Variants in TDRD9 observed in about 807,000 individuals in gnomAD.
TDRD9 encodes ATP-dependent RNA helicase TDRD9.
TDRD9 carries 124 observed loss-of-function variants against 172.6 expected under a neutral mutation model. That is an observed-to-expected ratio of 0.72 (90% confidence interval 0.62 to 0.83). TDRD9 has a LOEUF of 0.83. TDRD9 is among the 40% of genes least tolerant of loss of function. The pLI, the probability that TDRD9 is intolerant of heterozygous loss-of-function variation, is 0.00. For synonymous variants in TDRD9, 619 were observed against 617.1 expected, an observed-to-expected ratio of 1.00 and a Z score of -0.05; for missense variants, 1,479 against 1,714.1, an observed-to-expected ratio of 0.86 and a Z score of 2.42.
intron 13 of TDRD9, among the ~76,000 whole-genome samples, chr14:104,003,836 C>T (rs753017913): frequency 1.3e-5 from 2 of 151,946 alleles, no homozygotes; most frequent in African/African-American, 2.4e-5. Flanking sequence ...GACAGCTCCT[C>T]GATGGCATTG....
chr14:103,965,235 A>C, intron 3 of TDRD9, 98 bp from the exon 4 acceptor site: 1 of 1,262,090 alleles, frequency 7.9e-7, no homozygotes, highest in East Asian at 2.6e-5. Flanking sequence ...CAAAACTTTA[A>C]GATGAAAGAA....
intron 1 of TDRD9, among the ~76,000 whole-genome samples, chr14:103,931,280 C>T (rs994833021): frequency 4.8e-5 from 7 of 144,494 alleles, no homozygotes; most frequent in Non-Finnish European, 9.0e-5. Context: ...GCCTGGGTGA[C>T]AGAATGAGAC....
chr14:103,975,394 C>T lies in TDRD9; in HGVS notation c.852C>T (p.Val284=), dbSNP rs376815563. 2.0e-5 allele frequency: 33 copies of T among 1,612,530 alleles called. No homozygotes were observed. Among genetic ancestry groups the T allele is most frequent in the Non-Finnish European group, 2.7e-5 (32 of 1,179,094 alleles). The change falls in exon 7 of 36, where the codon GTC becomes GTT. Residue 284 remains valine, a synonymous_variant. Coordinates refer to ENST00000409874, the MANE Select transcript of TDRD9 (RefSeq NM_153046.3). Reference sequence around the variant, plus strand: ...TGTTTTCTCTTACTCTGTAGGTGGTCCTGATGTCGGCTACCATCAGCTGTA... The same window carrying T: ...TGTTTTCTCTTACTCTGTAGGTGGTTCTGATGTCGGCTACCATCAGCTGTA... The part of the protein sequence containing the change: ...LRTNSRFVKV[V]LMSATISCKE...
chr14:103,940,218 A>T (rs564190384), intron 1 of TDRD9, among the ~76,000 whole-genome samples: 8 of 152,230 alleles, frequency 5.3e-5, no homozygotes, highest in African/African-American at 9.6e-5. Flanking sequence ...ATCTTTACTG[A>T]TAGAGCTGAG....
chr14:104,033,307 C>T (rs1326693498), intron 30 of TDRD9, among the ~76,000 whole-genome samples: 1 of 152,156 alleles, frequency 6.6e-6, no homozygotes, highest in Non-Finnish European at 1.5e-5. Context: ...GTCTCAGGAG[C>T]CCCAGTGTGA....
intron 1 of TDRD9, among the ~76,000 whole-genome samples, chr14:103,949,715 A>T (rs4906390): frequency 0.96 from 146,082 of 152,308 alleles, 70,363 homozygotes; most frequent in East Asian, 1. Context: ...GGTCTCACTC[A>T]GTCGCCCATG....
chr14:103,964,531 T>C (rs2032651276), intron 3 of TDRD9, among the ~76,000 whole-genome samples: 1 of 147,252 alleles, frequency 6.8e-6, no homozygotes, highest in Admixed American at 6.6e-5. Flanking sequence ...TTTTGTTTTT[T>C]TGTTTGTTTG....
intron 20 of TDRD9, among the ~76,000 whole-genome samples, chr14:104,010,110 TAC>T: frequency 6.6e-6 from 1 of 152,090 alleles, no homozygotes; most frequent in Middle Eastern, 3.4e-3. Context: ...CACGCTTGGC[TAC>T]TTTTTTGTAT....
intron 7 of TDRD9, 110 bp from the exon 8 acceptor site, chr14:103,986,105 TAG>T: frequency 1.3e-6 from 1 of 756,716 alleles, no homozygotes; most frequent in East Asian, 2.7e-5. Context: ...AACTTTTATT[TAG>T]AGAGTTTGTT....
chr14:104,019,289 T>C (rs916038121), intron 23 of TDRD9, among the ~76,000 whole-genome samples: 2 of 152,200 alleles, frequency 1.3e-5, no homozygotes, highest in Non-Finnish European at 2.9e-5. Context: ...CTTTGTTCCC[T>C]CTTCTTTACA....
In TDRD9 at chr14:103,966,867, A is replaced by C. The variant is rs779541042; in HGVS notation, c.765+36A>C. ...TCATCTACTTGTAAAGGTCATATTT[A>C]TCTCTCTTAAAAAAACTCTCAGAGT... On this transcript the variant is annotated intron_variant, in intron 5 of 35. Transcript: ENST00000409874. The C allele has an allele frequency of 2.6e-6, 4 of 1,525,628 alleles. No individual in the cohort carries two copies. In the East Asian group the frequency reaches 7.4e-5, roughly 28 times the overall value. The allele number at this position is 1,525,628 out of a possible 1,614,324, so 94.5% of individuals were successfully genotyped here.
chr14:103,973,700 T>G (rs1233211211), intron 6 of TDRD9, among the ~76,000 whole-genome samples: 2 of 152,126 alleles, frequency 1.3e-5, no homozygotes, highest in Non-Finnish European at 2.9e-5. Context: ...AAACCCAGTT[T>G]AGAGATCATT....
At chr14:104,015,254 C>G (rs1181298528) in intron 21 of TDRD9, among the ~76,000 whole-genome samples, 1 of 152,072 alleles carries the variant, frequency 6.6e-6, no homozygotes, top group Non-Finnish European at 1.5e-5. Context: ...ACTTTGGAGG[C>G]CATGGATTCA....
rs188203471 is a variant in TDRD9 at position 104,034,886 on chromosome 14, A to G, written c.3620-74A>G. 1.7e-4 allele frequency: 191 copies of G among 1,141,526 alleles called. No individual in the cohort carries two copies. The African/African-American group carries it at 2.1e-3, about 13-fold the overall frequency. The allele number at this position is 1,141,526 out of a possible 1,614,324, so 70.7% of individuals were successfully genotyped here. A position where few individuals can be genotyped will look rare whatever the true frequency, so the allele number is the denominator to read the frequency against. ...GAGGGGATACCTGCAGATGAGTAGG[A>G]GCGGGCCGGGAGGGAACGCTGCCCT... On this transcript the variant is annotated intron_variant, in intron 31 of 35. Transcript: ENST00000409874.
In TDRD9 at chr14:104,026,957, T is replaced by C; in HGVS notation, c.3282+18T>C. On this transcript the variant is annotated intron_variant, in intron 28 of 35. Transcript: ENST00000409874. ...AGTCCAAGGTGTGTGCTTTCGCCGT[T>C]GCTGGAGCACGCGTTTGTGTGAGAG... 6.2e-7 allele frequency: 1 copy of C among 1,609,738 alleles called. No homozygotes were observed. Among genetic ancestry groups the C allele is most frequent in the Non-Finnish European group, 8.5e-7 (1 of 1,176,734 alleles).
intron 3 of TDRD9, among the ~76,000 whole-genome samples, chr14:103,964,681 T>C (rs1194951646): frequency 6.6e-6 from 1 of 152,108 alleles, no homozygotes; most frequent in South Asian, 2.1e-4. Flanking sequence ...CGCGCTACCA[T>C]GCCCAGCTAA....
chr14:104,023,347 A>T (rs1302143429), intron 24 of TDRD9, among the ~76,000 whole-genome samples: 2 of 152,136 alleles, frequency 1.3e-5, no homozygotes, highest in Non-Finnish European at 1.5e-5. Context: ...TGTTTTGCAA[A>T]TTCTCTTTTT....
At chr14:104,035,432 AG>A (rs1249898841) in intron 32 of TDRD9, among the ~76,000 whole-genome samples, 2 of 152,236 alleles carry the variant, frequency 1.3e-5, no homozygotes, top group African/African-American at 4.8e-5. Context: ...AGAACCCGTC[AG>A]TCCCCCTTCT....
intron 1 of TDRD9, among the ~76,000 whole-genome samples, chr14:103,929,812 G>T (rs189518381): frequency 6.6e-5 from 10 of 152,304 alleles, no homozygotes; most frequent in African/African-American, 2.2e-4. Flanking sequence ...GAGCCACTGC[G>T]CCCGGCCTGC....
Sources: gnomAD v4.1 joint callset for allele counts (sites outside exome capture counted in the v4.1 genomes callset) on GRCh38, gnomAD v4.1.1 for gene constraint, MANE v1.5 for transcripts, NCBI Gene and HGNC (gene_info 2026-07-23, HGNC 2026-07-21) for gene names.